The following CD44 variants were observed in gnomAD, a reference collection of about 807,000 sequenced individuals.
CD44 encodes the protein CD44 molecule (IN blood group).
A neutral mutation model predicts 88.8 loss-of-function variants in CD44; 49 were observed. The ratio of observed to expected loss-of-function variants is 0.55; its 90% CI spans 0.44 to 0.70. CD44 has a LOEUF of 0.70. Among genes scored for constraint, CD44 ranks in the 30% least tolerant of loss-of-function variants. CD44 has a pLI of 0.00. For synonymous variants in CD44, 325 were observed against 312.3 expected (o/e 1.04, Z -0.43); for missense variants, 883 against 913.8 (o/e 0.97, Z 0.43).
In CD44 at chr11:35,229,465, T is replaced by C. The variant is rs1949953264; in HGVS notation, c.*132T>C. On this transcript the variant is annotated 3_prime_UTR_variant, in exon 18 of 18. Coordinates refer to ENST00000428726, the MANE Select transcript of CD44 (RefSeq NM_000610.4). Reference sequence around the variant, plus strand: ...TCTTTTTTAGCATAAAATTTTCTACTCTTTTTGTTTTTTGTGTTTTGTTCT... The same window carrying C: ...TCTTTTTTAGCATAAAATTTTCTACCCTTTTTGTTTTTTGTGTTTTGTTCT... 3.2e-6 allele frequency: 2 copies of C among 626,182 alleles called. No homozygotes were observed. The highest frequency in any genetic ancestry group is 5.5e-6 in the Non-Finnish European group (2 of 366,286). 38.8% of individuals were successfully genotyped at this position (626,182 alleles called of 1,614,324 possible).
intron 1 of CD44, among the ~76,000 whole-genome samples, chr11:35,163,410 C>T (rs761937468): frequency 6.6e-6 from 1 of 152,108 alleles, no homozygotes; most frequent in African/African-American, 2.4e-5. Flanking sequence ...TGGCATTGTG[C>T]ACCCTGTGAA....
intron 1 of CD44, among the ~76,000 whole-genome samples, chr11:35,140,801 C>T (rs145826211): frequency 8.7e-4 from 133 of 152,198 alleles, no homozygotes; most frequent in Non-Finnish European, 1.6e-3. Flanking sequence ...CAGCAAATTA[C>T]CCAAGGTCAG....
intron 17 of CD44, among the ~76,000 whole-genome samples, chr11:35,224,606 G>A (rs542033830): frequency 2.6e-5 from 4 of 151,794 alleles, no homozygotes; most frequent in Non-Finnish European, 4.4e-5. Context: ...GCATAGTGGC[G>A]CATGCCTGTG....
At chr11:35,167,620 C>T (rs1318552700) in intron 1 of CD44, among the ~76,000 whole-genome samples, 1 of 152,238 alleles carries the variant, frequency 6.6e-6, no homozygotes, top group Admixed American at 6.5e-5. Flanking sequence ...CTTACCAGTG[C>T]TTCTGGCTGC....
intron 3 of CD44, among the ~76,000 whole-genome samples, chr11:35,181,921 T>A (rs866053508): frequency 0.012 from 797 of 68,194 alleles, 38 homozygotes; most frequent in African/African-American, 0.05. Context: ...ATATTATATA[T>A]TATATTATAT....
At chr11:35,213,739 A>C (rs746344613) in intron 14 of CD44, 1 of 151,206 alleles carries the variant, frequency 6.6e-6, no homozygotes, top group Non-Finnish European at 1.5e-5. Context: ...TGGTGATGGG[A>C]TGGTGACGGT....
Position 35,208,244 on chromosome 11 carries a change from A to C in CD44, c.1516+38A>C. The C allele has an allele frequency of 2.3e-6, 3 of 1,331,398 alleles. No individual in the cohort carries two copies. In the East Asian group the frequency reaches 6.9e-5, roughly 31 times the overall value. The allele number at this position is 1,331,398 out of a possible 1,614,324, so 82.5% of individuals were successfully genotyped here. On this transcript the variant is annotated intron_variant, in intron 12 of 17. Transcript: ENST00000428726. ...ATGCTCAGCCACTTTATTGACTTGTATTCCTGCTTCATCTCTTACTCGCTA... is the reference window on the plus strand; with the variant it reads ...ATGCTCAGCCACTTTATTGACTTGTCTTCCTGCTTCATCTCTTACTCGCTA...
At chr11:35,159,407 G>T (rs2133307365) in intron 1 of CD44, among the ~76,000 whole-genome samples, 1 of 152,278 alleles carries the variant, frequency 6.6e-6, no homozygotes, top group South Asian at 2.1e-4. Flanking sequence ...ATTAGAGTGT[G>T]ATTTTGGACT....
chr11:35,215,131 T>C (rs1218694601), intron 15 of CD44: 3 of 396,232 alleles, frequency 7.6e-6, no homozygotes, highest in Non-Finnish European at 1.3e-5. Context: ...CATTTGCATT[T>C]CTAATCAGTT....
At chr11:35,169,734 C>T (rs1001488458) in intron 1 of CD44, among the ~76,000 whole-genome samples, 56 of 152,272 alleles carry the variant, frequency 3.7e-4, no homozygotes, top group African/African-American at 1.3e-3. Flanking sequence ...GAAATGTGCT[C>T]GGACAATTTT....
At chr11:35,153,488 C>T (rs1253361064) in intron 1 of CD44, among the ~76,000 whole-genome samples, 2 of 152,192 alleles carry the variant, frequency 1.3e-5, no homozygotes, top group East Asian at 3.8e-4. Context: ...CCCAGACTCT[C>T]TGAGCAATTT....
In CD44 at chr11:35,211,378, A is replaced by C. The variant is rs2134195918; in HGVS notation, c.1739A>C (p.Lys580Thr). Reference protein sequence around the residue: ...SRTFIPVTSAKTGSFGVTAVT... With the variant: ...SRTFIPVTSATTGSFGVTAVT... ...ACCTTCATCCCAGTGACCTCAGCTAAGACTGGGTCCTTTGGAGTTACTGCA... is the reference window on the plus strand; with the variant it reads ...ACCTTCATCCCAGTGACCTCAGCTACGACTGGGTCCTTTGGAGTTACTGCA... Residue 580 changes from lysine (K) to threonine (T), a missense_variant, in exon 14 of 18, where the codon AAG (lysine) becomes ACG (threonine). By Grantham distance (78) the Lys-to-Thr change is moderately conservative. Coordinates refer to ENST00000428726, the MANE Select transcript of CD44 (RefSeq NM_000610.4). 5.0e-6 allele frequency: 8 copies of C among 1,614,050 alleles called. No individual in the cohort carries two copies. The South Asian group carries it at 8.8e-5, about 18-fold the overall frequency.
At chr11:35,219,125 AG>A (rs1452659322) in intron 15 of CD44, 190 bp from the exon 16 acceptor site, 5 of 584,748 alleles carry the variant, frequency 8.6e-6, no homozygotes, top group Non-Finnish European at 1.5e-5. Flanking sequence ...AACATTACTA[AG>A]CCTTAGCCTT....
At chr11:35,166,807 A>G (rs1364703386) in intron 1 of CD44, among the ~76,000 whole-genome samples, 1 of 152,252 alleles carries the variant, frequency 6.6e-6, no homozygotes, top group African/African-American at 2.4e-5. Context: ...TTCTCTGCTC[A>G]TTAAACCCTC....
chr11:35,221,286 T>C (rs1949275927), intron 16 of CD44, among the ~76,000 whole-genome samples: 1 of 152,198 alleles, frequency 6.6e-6, no homozygotes, highest in African/African-American at 2.4e-5. Flanking sequence ...TGGATGCTCT[T>C]ATACAGGAAA....
At position 35,231,887 on chromosome 11, in the gene CD44, C is replaced by T. The variant is rs1209575720; in HGVS notation, c.*2554C>T. On this transcript the variant is annotated 3_prime_UTR_variant, in exon 18 of 18. Coordinates refer to ENST00000428726, the MANE Select transcript of CD44 (RefSeq NM_000610.4). ...AATCTTTTGTGTCTCCTGAAGACTT[C>T]CCTTAAAATTAGCTCTGAGTGAAAA... 1.3e-5 allele frequency: 2 copies of T among 152,178 alleles called. No individual in the cohort carries two copies. The highest frequency in any genetic ancestry group is 2.9e-5 in the Non-Finnish European group (2 of 68,028). 9.4% of individuals were successfully genotyped at this position (152,178 alleles called of 1,614,324 possible).
At chr11:35,202,763 A>G (rs1390764003) in intron 9 of CD44, among the ~76,000 whole-genome samples, 1 of 152,188 alleles carries the variant, frequency 6.6e-6, no homozygotes, top group Non-Finnish European at 1.5e-5. Context: ...CAGATCTTAC[A>G]TCCCATTACA....
Position 35,229,822 on chromosome 11 carries a change from A to AC in CD44, c.*494dup, listed in dbSNP as rs1949971929. ...TGTACTAGTTACACATCTTCAACAGACCCCCTCTAGAAATTTTTCAGATGC... is the reference window on the plus strand; with the variant it reads ...TGTACTAGTTACACATCTTCAACAGACCCCCCTCTAGAAATTTTTCAGATGC... On this transcript the variant is annotated 3_prime_UTR_variant, in exon 18 of 18. Coordinates refer to ENST00000428726, the MANE Select transcript of CD44 (RefSeq NM_000610.4). 1 of 159,466 alleles carries AC rather than the reference A, an allele frequency of 6.3e-6. No homozygotes were observed. Among genetic ancestry groups the AC allele is most frequent in the Non-Finnish European group, 1.4e-5 (1 of 72,466 alleles). 9.9% of individuals were successfully genotyped at this position (159,466 alleles called of 1,614,324 possible).
intron 4 of CD44, among the ~76,000 whole-genome samples, chr11:35,189,579 A>G (rs1290493053): frequency 6.6e-6 from 1 of 152,198 alleles, no homozygotes; most frequent in East Asian, 1.9e-4. Context: ...TGCCTTGTCC[A>G]GAGCTCTATG....
Sources: allele counts gnomAD v4.1 joint callset (sites outside exome capture counted in the v4.1 genomes callset), GRCh38; gene constraint gnomAD v4.1.1; transcripts MANE v1.5; gene names NCBI Gene and HGNC (gene_info 2026-07-23, HGNC 2026-07-21).